MAP3K20: variants seen among roughly 807,000 people sequenced by gnomAD.
MAP3K20 encodes mitogen-activated protein kinase kinase kinase 20.
Under a neutral mutation model 85.7 loss-of-function variants are expected in MAP3K20, and 40 were observed. That is an observed-to-expected ratio of 0.47 (90% CI 0.36 to 0.61). The LOEUF is 0.61. MAP3K20 is among the 20% of genes least tolerant of loss of function. The probability of loss-of-function intolerance (pLI) is 0.00; values close to 1 mark genes in which losing one functional copy is unlikely to be tolerated. For synonymous variants in MAP3K20, 325 were observed against 327.7 expected, an observed-to-expected ratio of 0.99 and a Z score of 0.09; for missense variants, 817 against 961.7, an observed-to-expected ratio of 0.85 and a Z score of 1.99.
Position 173,075,857 on chromosome 2 carries a change from C to T in MAP3K20, c.-180C>T. On this transcript the variant is annotated 5_prime_UTR_variant, in exon 1 of 20. Coordinates refer to ENST00000375213, the MANE Select transcript of MAP3K20 (RefSeq NM_016653.3). Reference sequence around the variant, plus strand: ...CCGTGACTGTCTTCCTCATTGGCGCCGTGCAGAGAGGCGGAATGTTCAACT... The same window carrying T: ...CCGTGACTGTCTTCCTCATTGGCGCTGTGCAGAGAGGCGGAATGTTCAACT... The T allele has an allele frequency of 1.0e-6, 1 of 985,250 alleles. No homozygotes were observed. The highest frequency in any genetic ancestry group is 1.2e-6 in the Non-Finnish European group (1 of 829,886). 61.0% of individuals were successfully genotyped at this position (985,250 alleles called of 1,614,324 possible).
chr2:173,119,650 C>G (rs1185980462), intron 2 of MAP3K20, among the ~76,000 whole-genome samples: 2 of 152,178 alleles, frequency 1.3e-5, no homozygotes, highest in African/African-American at 4.8e-5. Flanking sequence ...TTAACTGGCA[C>G]AGTTCATCTC....
At chr2:173,124,849 A>G (rs1366842356) in intron 2 of MAP3K20, among the ~76,000 whole-genome samples, 2 of 152,186 alleles carry the variant, frequency 1.3e-5, no homozygotes, top group African/African-American at 2.4e-5. Context: ...CTGGTTGGGC[A>G]TGGTGGCTCA....
chr2:173,077,801 T>C (rs558498061), intron 1 of MAP3K20, among the ~76,000 whole-genome samples: 10 of 152,252 alleles, frequency 6.6e-5, no homozygotes, highest in African/African-American at 2.2e-4. Flanking sequence ...GAAAAAAAAA[T>C]CCAAATATTA....
At chr2:173,219,982 C>G (rs188826229) in intron 11 of MAP3K20, among the ~76,000 whole-genome samples, 5 of 146,898 alleles carry the variant, frequency 3.4e-5, no homozygotes, top group African/African-American at 1.3e-4. Flanking sequence ...GCAGGAGAAT[C>G]GCTTGAACCT....
Position 173,156,667 on chromosome 2 carries a change from C to G in MAP3K20, c.160-13138C>G, listed in dbSNP as rs1424937194. 2.6e-5 allele frequency among the ~76,000 whole-genome samples: 4 copies of G among 152,160 alleles called. No homozygotes were observed. In the East Asian group the frequency reaches 7.7e-4, roughly 29 times the overall value. On this transcript the variant is annotated intron_variant, in intron 2 of 19. Transcript: ENST00000375213. ...GAATCTAATGCTGCCTCTGATCTGA[C>G]AGGAGGCGGAGCTCAGGCGGGAATG...
chr2:173,156,787 A>G (rs924732766), intron 2 of MAP3K20, among the ~76,000 whole-genome samples: 3 of 152,204 alleles, frequency 2.0e-5, no homozygotes, highest in Non-Finnish European at 4.4e-5. Context: ...AAGGAGCTAA[A>G]GTAGAATGCT....
At chr2:173,150,809 G>A (rs1047126174) in intron 2 of MAP3K20, among the ~76,000 whole-genome samples, 13 of 152,170 alleles carry the variant, frequency 8.5e-5, no homozygotes, top group East Asian at 5.8e-4. Flanking sequence ...TGATCCGCCC[G>A]CCTTGACCTC....
intron 16 of MAP3K20, among the ~76,000 whole-genome samples, chr2:173,249,062 A>G (rs1684986216): frequency 6.6e-6 from 1 of 152,228 alleles, no homozygotes; most frequent in Admixed American, 6.5e-5. Context: ...TAATGCATAA[A>G]TCAAAAATTG....
At chr2:173,147,020 T>G (rs979237644) in intron 2 of MAP3K20, among the ~76,000 whole-genome samples, 4 of 152,268 alleles carry the variant, frequency 2.6e-5, no homozygotes, top group Non-Finnish European at 1.5e-5. Flanking sequence ...GGATACTTAT[T>G]TGAATTCTTG....
chr2:173,135,063 A>G (rs1688761068), intron 2 of MAP3K20, among the ~76,000 whole-genome samples: 1 of 152,216 alleles, frequency 6.6e-6, no homozygotes, highest in Non-Finnish European at 1.5e-5. Flanking sequence ...CATTTTGGCT[A>G]CAAAATATAC....
intron 2 of MAP3K20, among the ~76,000 whole-genome samples, chr2:173,113,061 G>A (rs1018865694): frequency 6.6e-6 from 1 of 151,832 alleles, no homozygotes; most frequent in African/African-American, 2.4e-5. Flanking sequence ...TTTTTTTGTT[G>A]ATGATTTTTA....
intron 2 of MAP3K20, among the ~76,000 whole-genome samples, chr2:173,133,997 C>G (rs11893754): frequency 6.8e-6 from 1 of 146,998 alleles, no homozygotes; most frequent in Non-Finnish European, 1.5e-5. Flanking sequence ...TCTCAAAAAA[C>G]AAAAAACAAA....
chr2:173,143,955 C>A (rs1191936680), intron 2 of MAP3K20, among the ~76,000 whole-genome samples: 2 of 151,728 alleles, frequency 1.3e-5, no homozygotes, highest in Non-Finnish European at 2.9e-5. Flanking sequence ...AAAAGACATA[C>A]AAAACCTCTA....
At chr2:173,086,300 C>A (rs1687145192) in intron 1 of MAP3K20, among the ~76,000 whole-genome samples, 1 of 152,118 alleles carries the variant, frequency 6.6e-6, no homozygotes, top group African/African-American at 2.4e-5. Flanking sequence ...TCAGATTTTT[C>A]ATTCTTCTCG....
chr2:173,254,301 G>A (rs1292315215), intron 16 of MAP3K20, among the ~76,000 whole-genome samples: 1 of 151,730 alleles, frequency 6.6e-6, no homozygotes, highest in Non-Finnish European at 1.5e-5. Flanking sequence ...GGTGGCGGGC[G>A]CCTGTAGTCC....
chr2:173,178,312 A>T (rs1023539583), intron 3 of MAP3K20, among the ~76,000 whole-genome samples: 1 of 152,214 alleles, frequency 6.6e-6, no homozygotes, highest in African/African-American at 2.4e-5. Flanking sequence ...AAAGATACAA[A>T]TTATCAAAAC....
Position 173,239,535 on chromosome 2 carries a change from G to C in MAP3K20, c.1359+39G>C, listed in dbSNP as rs754031643. 4 of 1,574,956 alleles carry C rather than the reference G, an allele frequency of 2.5e-6. No homozygotes were observed. In the East Asian group the frequency reaches 9.0e-5, roughly 35 times the overall value. On this transcript the variant is annotated intron_variant, in intron 16 of 19. Transcript: ENST00000375213. ...TAAATCCTTTGGATAAATCTCAATC[G>C]AACTACTCTTTTTTCTCTTCTGTAA...
intron 3 of MAP3K20, among the ~76,000 whole-genome samples, chr2:173,174,389 G>T (rs1690094252): frequency 6.6e-6 from 1 of 152,144 alleles, no homozygotes; most frequent in Admixed American, 6.5e-5. Context: ...CCTGGTGTGT[G>T]ATGTTCCCCT....
intron 4 of MAP3K20, among the ~76,000 whole-genome samples, chr2:173,184,683 T>G (rs967897422): frequency 6.6e-6 from 1 of 151,956 alleles, no homozygotes; most frequent in Non-Finnish European, 1.5e-5. Flanking sequence ...CCCAGGCGGG[T>G]GGATCACTTG....
Sources: allele counts gnomAD v4.1 joint callset (sites outside exome capture counted in the v4.1 genomes callset), GRCh38; gene constraint gnomAD v4.1.1; transcripts MANE v1.5; gene names NCBI Gene and HGNC (gene_info 2026-07-23, HGNC 2026-07-21).